TENM4: variants seen among roughly 807,000 people sequenced by gnomAD.
TENM4 encodes teneurin transmembrane protein 4, also known as teneurin-4.
Under a neutral mutation model 243.3 loss-of-function variants are expected in TENM4, and 82 were observed. The observed-to-expected ratio is 0.34, with a 90% CI of 0.28 to 0.40. TENM4 has a LOEUF of 0.40. TENM4 is among the 10% of genes least tolerant of loss of function. TENM4 has a pLI of 1.00. For synonymous variants in TENM4, 1,412 were observed against 1,456.3 expected (o/e 0.97, Z 0.69); for missense variants, 3,138 against 3,673.3 (o/e 0.85, Z 3.77).
chr11:79,121,263 C>G (rs1164883662), intron 4 of TENM4, among the ~76,000 whole-genome samples: 1 of 152,074 alleles, frequency 6.6e-6, no homozygotes, highest in African/African-American at 2.4e-5. Context: ...TTACATAGGC[C>G]AGACTTCACC....
intron 4 of TENM4, among the ~76,000 whole-genome samples, chr11:79,126,962 A>T (rs1174294682): frequency 6.6e-6 from 1 of 152,214 alleles, no homozygotes; most frequent in East Asian, 1.9e-4. Context: ...GACCCAAAAC[A>T]TCATTGTGAT....
At position 78,764,412 on chromosome 11, in the gene TENM4, T is replaced by C. The variant is rs78284652; in HGVS notation, c.2539+6580A>G. Reference sequence around the variant, plus strand: ...TCTGGATTTTCTGGCTTCCAAGCCCTGTCGCCTCTCCACGTGGGGCAGAAA... The same window carrying C: ...TCTGGATTTTCTGGCTTCCAAGCCCCGTCGCCTCTCCACGTGGGGCAGAAA... On this transcript the variant is annotated intron_variant, in intron 18 of 33. Coordinates refer to ENST00000278550, the MANE Select transcript of TENM4 (RefSeq NM_001098816.3). 9.7e-3 allele frequency among the ~76,000 whole-genome samples: 1,481 copies of C among 152,392 alleles called. 11 individuals carry two copies. The highest frequency in any genetic ancestry group is 0.017 in the Middle Eastern group (5 of 294).
Position 78,726,227 on chromosome 11 carries a change from A to G in TENM4, c.3407-5T>C, listed in dbSNP as rs1590970716. 6.2e-7 allele frequency: 1 copy of G among 1,613,522 alleles called. No individual in the cohort carries two copies. The highest frequency in any genetic ancestry group is 8.5e-7 in the Non-Finnish European group (1 of 1,179,616). On this transcript the variant is annotated splice_polypyrimidine_tract_variant and splice_region_variant and intron_variant, in intron 22 of 33. Coordinates refer to ENST00000278550, the MANE Select transcript of TENM4 (RefSeq NM_001098816.3). ...CATATTCATAACCCACGGAAACTGT[A>G]GGTGACAGAATGAGGCAAAATGCAT...
intron 1 of TENM4, among the ~76,000 whole-genome samples, chr11:79,397,202 A>G (rs74501326): frequency 0.046 from 7,013 of 152,326 alleles, 212 homozygotes; most frequent in Middle Eastern, 0.095. Context: ...CAGAAAATTC[A>G]TGGTAGCCCA....
chr11:78,796,513 T>G (rs1339353269), intron 15 of TENM4, among the ~76,000 whole-genome samples: 3 of 152,156 alleles, frequency 2.0e-5, no homozygotes, highest in Non-Finnish European at 4.4e-5. Context: ...CACTCAGTCA[T>G]AAGCTCATCT....
intron 1 of TENM4, among the ~76,000 whole-genome samples, chr11:79,364,821 T>G (rs1277895155): frequency 6.6e-6 from 1 of 152,230 alleles, no homozygotes; most frequent in Admixed American, 6.5e-5. Context: ...GTCCTACATT[T>G]GCTTTAAATA....
intron 4 of TENM4, among the ~76,000 whole-genome samples, chr11:79,128,149 G>T (rs1861921411): frequency 6.6e-6 from 1 of 152,192 alleles, no homozygotes; most frequent in South Asian, 2.1e-4. Context: ...ATGATGTTTG[G>T]AGCCTTTGGC....
intron 1 of TENM4, among the ~76,000 whole-genome samples, chr11:79,327,485 A>C (rs1283599036): frequency 6.6e-6 from 1 of 152,190 alleles, no homozygotes; most frequent in Non-Finnish European, 1.5e-5. Flanking sequence ...TTATTAGCTC[A>C]TTGAATTTAA....
rs555723351 is a variant in TENM4, at chr11:78,885,449, G to A, written c.1084+4336C>T. On this transcript the variant is annotated intron_variant, in intron 9 of 33. Coordinates refer to ENST00000278550, the MANE Select transcript of TENM4 (RefSeq NM_001098816.3). Reference sequence around the variant, plus strand: ...TCCCAGCTCAGGCCAGAGCAGCCAAGTAGCACTCCCAGGAGAGGAGGAGAT... The same window carrying A: ...TCCCAGCTCAGGCCAGAGCAGCCAAATAGCACTCCCAGGAGAGGAGGAGAT... 2.6e-5 allele frequency among the ~76,000 whole-genome samples: 4 copies of A among 152,358 alleles called. No individual in the cohort carries two copies. The East Asian group carries it at 7.7e-4, about 29-fold the overall frequency.
chr11:79,283,268 C>T (rs940395954), intron 2 of TENM4, among the ~76,000 whole-genome samples: 1 of 150,646 alleles, frequency 6.6e-6, no homozygotes, highest in Non-Finnish European at 1.5e-5. Flanking sequence ...ATGAATATCT[C>T]CCAAAAATAG....
chr11:79,117,728 C>T (rs1022136458), intron 4 of TENM4, among the ~76,000 whole-genome samples: 3 of 152,178 alleles, frequency 2.0e-5, no homozygotes, highest in Admixed American at 6.5e-5. Context: ...CCAGCTGAAC[C>T]TTGCTCTTCC....
chr11:79,295,415 T>C (rs1856432529), intron 2 of TENM4, among the ~76,000 whole-genome samples: 1 of 152,134 alleles, frequency 6.6e-6, no homozygotes, highest in African/African-American at 2.4e-5. Context: ...ACAATTCTGC[T>C]GAGAGCCTGC....
intron 2 of TENM4, among the ~76,000 whole-genome samples, chr11:79,270,093 A>C (rs1855943969): frequency 6.6e-6 from 1 of 151,088 alleles, no homozygotes; most frequent in Middle Eastern, 3.4e-3. Context: ...CCAGGTTCCC[A>C]TCCCCCTAGC....
chr11:78,660,613 C>T (rs1455729879), intron 33 of TENM4, among the ~76,000 whole-genome samples: 1 of 152,186 alleles, frequency 6.6e-6, no homozygotes, highest in Non-Finnish European at 1.5e-5. Flanking sequence ...AGCCATCTGG[C>T]AACCTGCTTT....
At chr11:78,805,967 A>G (rs1483212613) in intron 14 of TENM4, among the ~76,000 whole-genome samples, 1 of 152,070 alleles carries the variant, frequency 6.6e-6, no homozygotes, top group Non-Finnish European at 1.5e-5. Context: ...ATCTTCCCCA[A>G]ATTCTTGAGA....
At chr11:79,020,989 T>A (rs1858912388) in intron 6 of TENM4, among the ~76,000 whole-genome samples, 1 of 152,224 alleles carries the variant, frequency 6.6e-6, no homozygotes, top group African/African-American at 2.4e-5. Context: ...AAATGCCCTT[T>A]CCTGAGTGCT....
At chr11:78,664,984 T>C (rs970782289) in intron 32 of TENM4, among the ~76,000 whole-genome samples, 2 of 152,196 alleles carry the variant, frequency 1.3e-5, no homozygotes, top group Admixed American at 6.5e-5. Flanking sequence ...TCTTCAGTGC[T>C]CCTCTGAAGA....
intron 1 of TENM4, among the ~76,000 whole-genome samples, chr11:79,345,574 C>T (rs1565308775): frequency 1.3e-5 from 2 of 152,100 alleles, no homozygotes; most frequent in Admixed American, 6.5e-5. Context: ...TTTGAATCTA[C>T]GGAAAAAGCA....
intron 9 of TENM4, among the ~76,000 whole-genome samples, chr11:78,869,510 G>A (rs1407042051): frequency 3.3e-5 from 5 of 152,162 alleles, no homozygotes; most frequent in Non-Finnish European, 7.3e-5. Flanking sequence ...AGAGAAAGAT[G>A]ATACAGCATG....
Sources: allele counts gnomAD v4.1 joint callset (sites outside exome capture counted in the v4.1 genomes callset), GRCh38; gene constraint gnomAD v4.1.1; transcripts MANE v1.5; gene names NCBI Gene and HGNC (gene_info 2026-07-23, HGNC 2026-07-21).